Variants in NEMP2 observed in about 807,000 individuals in gnomAD.
NEMP2 encodes the protein nuclear envelope integral membrane protein 2.
NEMP2 carries 53 observed loss-of-function variants against 54.2 expected under a neutral mutation model. That is an observed-to-expected ratio of 0.98 (90% confidence interval 0.78 to 1.23). NEMP2 has a LOEUF of 1.23. Among genes scored for constraint, NEMP2 ranks in the 50% most tolerant of loss-of-function variants. NEMP2 has a pLI of 0.00. For missense variants in NEMP2, 455 were observed against 511.3 expected, an observed-to-expected ratio of 0.89 and a Z score of 1.06; for synonymous variants, 197 against 190.3, an observed-to-expected ratio of 1.04 and a Z score of -0.29.
the NEMP2 span, among the ~76,000 whole-genome samples, chr2:190,487,976 C>T: frequency 6.6e-6 from 1 of 152,098 alleles, no homozygotes; most frequent in African/African-American, 2.4e-5. This position sits in a 1 kb window ranked among gnomAD's most constrained non-coding sequence, Gnocchi z 5.5. Flanking sequence ...GATCTTGGCT[C>T]ACTGCAACCT....
At chr2:190,489,721 T>G in the NEMP2 span, 2 of 1,542,066 alleles carry the variant, frequency 1.3e-6, no homozygotes, top group Middle Eastern at 3.4e-4. The surrounding 1 kb of genome is among the most constrained non-coding windows in gnomAD (Gnocchi z 6.6). Flanking sequence ...ATGAGCGCTA[T>G]CTGCATTTCT....
downstream of NEMP2, chr2:190,500,536 C>A: frequency 3.4e-6 from 1 of 294,040 alleles, no homozygotes; most frequent in South Asian, 6.3e-5. The surrounding 1 kb of genome is among the most constrained non-coding windows in gnomAD (Gnocchi z 5.3). Flanking sequence ...CCGGCAGTTA[C>A]ACTAAGTAAG....
chr2:190,591,057 C>A, the NEMP2 span, among the ~76,000 whole-genome samples: 1 of 152,106 alleles, frequency 6.6e-6, no homozygotes, highest in Non-Finnish European at 1.5e-5. This position sits in a 1 kb window ranked among gnomAD's most constrained non-coding sequence, Gnocchi z 5.4. Context: ...CTTATGGACT[C>A]AGCAAGATCA....
the NEMP2 span, among the ~76,000 whole-genome samples, chr2:190,430,818 G>T: frequency 7.9e-6 from 1 of 127,296 alleles, no homozygotes; most frequent in African/African-American, 2.9e-5. Context: ...CCTCCCTCCC[G>T]GACGGGGCGG....
chr2:190,615,914 T>A, the NEMP2 span, among the ~76,000 whole-genome samples: 1 of 152,194 alleles, frequency 6.6e-6, no homozygotes, highest in Non-Finnish European at 1.5e-5. The surrounding 1 kb of genome is among the most constrained non-coding windows in gnomAD (Gnocchi z 4.7). Flanking sequence ...CACTTTAATA[T>A]AATTTAGAGC....
the NEMP2 span, chr2:190,444,739 A>T: frequency 5.5e-6 from 1 of 180,584 alleles, no homozygotes; most frequent in Non-Finnish European, 1.1e-5. Flanking sequence ...AATTTATATC[A>T]TCTTGTGTAA....
chr2:190,607,082 T>C, the NEMP2 span, among the ~76,000 whole-genome samples: 1 of 152,084 alleles, frequency 6.6e-6, no homozygotes, highest in African/African-American at 2.4e-5. The surrounding 1 kb of genome is among the most constrained non-coding windows in gnomAD (Gnocchi z 5.2). Context: ...GAACAGCCCA[T>C]GGCGGGTGCT....
In NEMP2 at chr2:190,525,644, C is replaced by T. The variant is rs143095275; in HGVS notation, c.98-266G>A. Among the ~76,000 whole-genome samples, 1 of 151,790 alleles carries T rather than the reference C, an allele frequency of 6.6e-6. No homozygotes were observed. Among genetic ancestry groups the T allele is most frequent in the African/African-American group, 2.4e-5 (1 of 41,276 alleles). On this transcript the variant is annotated intron_variant, in intron 1 of 8. Transcript: ENST00000409150. The surrounding 1 kb of genome is among the most constrained non-coding windows in gnomAD (Gnocchi z 5.0). ...ACTTCTTCAATTCTGAAGCAGAAGGCAGAATTATGGGCACCTTCTCAGAAA... is the reference window on the plus strand; with the variant it reads ...ACTTCTTCAATTCTGAAGCAGAAGGTAGAATTATGGGCACCTTCTCAGAAA...
intron 4 of NEMP2, 53 bp from the exon 5 acceptor site, chr2:190,517,666 A>C: frequency 4.7e-6 from 6 of 1,278,472 alleles, no homozygotes; most frequent in Non-Finnish European, 5.5e-6. Flanking sequence ...CACTTTGAGT[A>C]TGAAAAACAT....
the NEMP2 span, among the ~76,000 whole-genome samples, chr2:190,570,059 C>T: frequency 6.6e-6 from 1 of 152,308 alleles, no homozygotes; most frequent in Non-Finnish European, 1.5e-5. The surrounding 1 kb of genome is among the most constrained non-coding windows in gnomAD (Gnocchi z 5.4). Context: ...GATCAGTAGC[C>T]TCTGGACAAG....
At chr2:190,532,517 C>T (rs1161705664) in intron 1 of NEMP2, among the ~76,000 whole-genome samples, 2 of 152,210 alleles carry the variant, frequency 1.3e-5, no homozygotes, top group African/African-American at 2.4e-5. Context: ...TTATGGGAAA[C>T]TCTTGAAGTT....
chr2:190,572,085 G>T, the NEMP2 span, among the ~76,000 whole-genome samples: 4 of 151,918 alleles, frequency 2.6e-5, no homozygotes, highest in Non-Finnish European at 5.9e-5. Flanking sequence ...TTATTTTCTG[G>T]GGTTTTTTTT....
At position 190,517,574 on chromosome 2, in the gene NEMP2, A is replaced by G. The variant is rs906784563; in HGVS notation, c.558T>C (p.Gly186=). Residue 186 remains glycine, a synonymous_variant, in exon 5 of 9, where the codon GGT becomes GGC. Transcript: ENST00000409150. ...TFYYSSGTVL[G]VLMTLVFVLL... Reference sequence around the variant, plus strand: ...AGACAAAGACTAATGTCATTAGAACACCTAGCACAGTTCCCGAGGAGTAAT... The same window carrying G: ...AGACAAAGACTAATGTCATTAGAACGCCTAGCACAGTTCCCGAGGAGTAAT... The G allele has an allele frequency of 1.9e-6, 3 of 1,550,862 alleles. No individual in the cohort carries two copies. The African/African-American group carries it at 4.1e-5, about 21-fold the overall frequency.
chr2:190,635,219 C>T, the NEMP2 span, among the ~76,000 whole-genome samples: 1 of 151,938 alleles, frequency 6.6e-6, no homozygotes, highest in East Asian at 1.9e-4. The surrounding 1 kb of genome is among the most constrained non-coding windows in gnomAD (Gnocchi z 4.1). Flanking sequence ...CATTCATCTG[C>T]AATCTTTTTT....
At chr2:190,558,006 A>G in the NEMP2 span, among the ~76,000 whole-genome samples, 67 of 152,244 alleles carry the variant, frequency 4.4e-4, no homozygotes, top group African/African-American at 4.6e-4. This position sits in a 1 kb window ranked among gnomAD's most constrained non-coding sequence, Gnocchi z 4.4. Context: ...TCATTCTACT[A>G]TAAAGACACA....
At chr2:190,605,006 G>A in the NEMP2 span, among the ~76,000 whole-genome samples, 3 of 152,128 alleles carry the variant, frequency 2.0e-5, no homozygotes, top group East Asian at 3.9e-4. Context: ...TCAGTTGGTT[G>A]CCAAGTCCTA....
chr2:190,503,967 C>G (rs1012345377), downstream of NEMP2, among the ~76,000 whole-genome samples: 3 of 152,200 alleles, frequency 2.0e-5, no homozygotes, highest in African/African-American at 7.2e-5. This position sits in a 1 kb window ranked among gnomAD's most constrained non-coding sequence, Gnocchi z 6.3. Flanking sequence ...GTACCTAACT[C>G]TCAACCAGCT....
the NEMP2 span, among the ~76,000 whole-genome samples, chr2:190,443,366 G>GT: frequency 6.6e-6 from 1 of 152,122 alleles, no homozygotes; most frequent in East Asian, 1.9e-4. This position sits in a 1 kb window ranked among gnomAD's most constrained non-coding sequence, Gnocchi z 4.2. Flanking sequence ...GCTTCTTAGG[G>GT]TTTTTTATGA....
chr2:190,452,397 C>T, the NEMP2 span, among the ~76,000 whole-genome samples: 2 of 152,134 alleles, frequency 1.3e-5, no homozygotes, highest in African/African-American at 2.4e-5. Context: ...ACAAAAGCAT[C>T]GTGCTAAATG....
Sources: allele counts gnomAD v4.1 joint callset (sites outside exome capture counted in the v4.1 genomes callset), GRCh38; gene constraint gnomAD v4.1.1; non-coding constraint Gnocchi (gnomAD v3.1); transcripts MANE v1.5; gene names NCBI Gene and HGNC (gene_info 2026-07-23, HGNC 2026-07-21).